Variants in SLC9A9 observed in about 807,000 individuals in gnomAD.
SLC9A9 encodes sodium/hydrogen exchanger 9.
In SLC9A9, 62 loss-of-function variants were observed where a neutral mutation model predicts 77.8. The observed-to-expected ratio is 0.80, with a 90% CI of 0.65 to 0.98. The LOEUF is 0.98. SLC9A9 is among the 50% of genes least tolerant of loss of function. SLC9A9 has a pLI of 0.00. For synonymous variants in SLC9A9, 320 were observed against 283.5 expected (o/e 1.13, Z -1.29); for missense variants, 775 against 774.9 (o/e 1.00, Z 0.00).
intron 4 of SLC9A9, among the ~76,000 whole-genome samples, chr3:143,722,084 TG>T (rs1350776333): frequency 6.6e-6 from 1 of 152,176 alleles, no homozygotes; most frequent in African/African-American, 2.4e-5. Context: ...ATTTGATGGA[TG>T]GGGGAGAAGT....
At chr3:143,747,467 AAGG>A (rs1033566714) in intron 4 of SLC9A9, among the ~76,000 whole-genome samples, 3 of 152,024 alleles carry the variant, frequency 2.0e-5, no homozygotes, top group African/African-American at 7.2e-5. Context: ...ATCTTGAGAT[AAGG>A]AGATGACCCT....
intron 8 of SLC9A9, among the ~76,000 whole-genome samples, chr3:143,566,769 A>G (rs1443091935): frequency 6.6e-6 from 1 of 152,162 alleles, no homozygotes; most frequent in African/African-American, 2.4e-5. Flanking sequence ...ATCATTAGAC[A>G]TGGTGTCAAT....
At chr3:143,610,668 G>C (rs2038009326) in intron 6 of SLC9A9, among the ~76,000 whole-genome samples, 1 of 152,176 alleles carries the variant, frequency 6.6e-6, no homozygotes, top group South Asian at 2.1e-4. Flanking sequence ...GGTTGGTGAA[G>C]TGAAATCCAT....
chr3:143,715,438 C>A (rs565790733), intron 4 of SLC9A9, among the ~76,000 whole-genome samples: 86 of 152,188 alleles, frequency 5.7e-4, no homozygotes, highest in Non-Finnish European at 1.1e-3. Context: ...GCATCACTCT[C>A]TTAAGGAAAC....
At chr3:143,662,494 G>A (rs575073035) in intron 5 of SLC9A9, among the ~76,000 whole-genome samples, 162 of 152,334 alleles carry the variant, frequency 1.1e-3, no homozygotes, top group Middle Eastern at 3.4e-3. Context: ...CTGAAGCAGG[G>A]CGGGGCATCA....
chr3:143,546,463 T>A (rs1320502428), intron 9 of SLC9A9, among the ~76,000 whole-genome samples: 1 of 152,228 alleles, frequency 6.6e-6, no homozygotes. Flanking sequence ...TAAAATGTAC[T>A]GAAATAGGTA....
chr3:143,733,162 G>A lies in SLC9A9; in HGVS notation c.534-39855C>T, dbSNP rs143766984. ...AACTTTATAATGGACAAAGTTTAGA[G>A]AGAAAATGGCTTTTGAGTCTTTTCT... On this transcript the variant is annotated intron_variant, in intron 4 of 15. Transcript: ENST00000316549. Among the ~76,000 whole-genome samples, 48 of 152,136 alleles carry A rather than the reference G, an allele frequency of 3.2e-4. 1 individual carries two copies. The East Asian group carries it at 9.3e-3, about 29-fold the overall frequency.
intron 13 of SLC9A9, among the ~76,000 whole-genome samples, chr3:143,366,595 CT>C (rs35379279): frequency 3.3e-5 from 5 of 152,116 alleles, no homozygotes; most frequent in Admixed American, 2.6e-4. Context: ...ATGGAAAAGA[CT>C]TTTTATTAAT....
intron 4 of SLC9A9, among the ~76,000 whole-genome samples, chr3:143,777,597 A>G (rs995522798): frequency 6.6e-6 from 1 of 152,086 alleles, no homozygotes; most frequent in African/African-American, 2.4e-5. Flanking sequence ...AAATGCACCT[A>G]CCATGAGAAA....
chr3:143,299,376 T>A (rs1368713022), intron 14 of SLC9A9, among the ~76,000 whole-genome samples: 2 of 152,074 alleles, frequency 1.3e-5, no homozygotes, highest in African/African-American at 4.8e-5. Flanking sequence ...TTTAATGGAC[T>A]GGTTCTCAAA....
rs150315013 is a variant in SLC9A9 at position 143,495,415 on chromosome 3, C to G, written c.1123G>C (p.Val375Leu). 1.9e-6 allele frequency: 3 copies of G among 1,613,892 alleles called. No homozygotes were observed. In the African/African-American group the frequency reaches 4.0e-5, roughly 22 times the overall value. Residue 375 changes from valine to leucine, a missense_variant, in exon 10 of 16, where the codon GTC (valine) becomes CTC (leucine). Physicochemically the swap from Val to Leu is conservative, Grantham distance 32 (BLOSUM62 1). Transcript: ENST00000316549. The stretch of plus-strand genomic sequence containing the variant: ...GCCAGGCCCATGTAACAGAAGATGA[C>G]GTTCTCCGCCAAAAAGTTCATAAAT... The part of the protein sequence containing the change: ...FEFMNFLAEN[V>L]IFCYMGLALF...
intron 4 of SLC9A9, among the ~76,000 whole-genome samples, chr3:143,707,377 C>G (rs199871675): frequency 0.27 from 40,962 of 151,224 alleles, 6,857 homozygotes; most frequent in Non-Finnish European, 0.37. Flanking sequence ...TCTACACACA[C>G]ACACACACAC....
chr3:143,574,800 T>C (rs1334123527), intron 7 of SLC9A9, among the ~76,000 whole-genome samples: 1 of 152,162 alleles, frequency 6.6e-6, no homozygotes, highest in Admixed American at 6.5e-5. Flanking sequence ...AGGATGACAC[T>C]TGGTCAATGG....
chr3:143,596,131 A>G (rs972349926), intron 6 of SLC9A9, among the ~76,000 whole-genome samples: 1 of 152,222 alleles, frequency 6.6e-6, no homozygotes, highest in African/African-American at 2.4e-5. Context: ...GACATAGTTT[A>G]GTAAAGCCTG....
chr3:143,646,711 C>G (rs1013836526), intron 6 of SLC9A9, among the ~76,000 whole-genome samples: 3 of 152,024 alleles, frequency 2.0e-5, no homozygotes, highest in African/African-American at 7.2e-5. Flanking sequence ...TTTCTAGAAA[C>G]AAAATTGCTG....
At chr3:143,783,784 T>G (rs1039096871) in intron 4 of SLC9A9, among the ~76,000 whole-genome samples, 1 of 152,194 alleles carries the variant, frequency 6.6e-6, no homozygotes, top group African/African-American at 2.4e-5. Flanking sequence ...GGTAATATTG[T>G]AGTTTATAGT....
chr3:143,462,637 A>C (rs1357627532), intron 12 of SLC9A9, among the ~76,000 whole-genome samples: 1 of 152,130 alleles, frequency 6.6e-6, no homozygotes, highest in African/African-American at 2.4e-5. Flanking sequence ...TTTACCCGTA[A>C]CTGTCCCAGG....
intron 11 of SLC9A9, among the ~76,000 whole-genome samples, chr3:143,489,342 A>T (rs1385879525): frequency 6.6e-6 from 1 of 152,008 alleles, no homozygotes; most frequent in African/African-American, 2.4e-5. Flanking sequence ...TGCAGTCCCT[A>T]TCAAAATCCC....
At chr3:143,492,752 A>G (rs1470993362) in intron 11 of SLC9A9, among the ~76,000 whole-genome samples, 1 of 152,172 alleles carries the variant, frequency 6.6e-6, no homozygotes, top group Non-Finnish European at 1.5e-5. Flanking sequence ...ATAAATGTTC[A>G]TTTCTCTCAC....
Sources: allele counts gnomAD v4.1 joint callset (sites outside exome capture counted in the v4.1 genomes callset), GRCh38; gene constraint gnomAD v4.1.1; transcripts MANE v1.5; gene names NCBI Gene and HGNC (gene_info 2026-07-23, HGNC 2026-07-21).